Variants in WLS observed in about 807,000 individuals in gnomAD.
WLS encodes Wnt ligand secretion mediator.
WLS carries 23 observed loss-of-function variants against 62.8 expected under a neutral mutation model. The ratio of observed to expected loss-of-function variants is 0.37; its 90% confidence interval spans 0.26 to 0.52. The LOEUF is 0.52. WLS is among the 20% of genes least tolerant of loss of function. The pLI is 0.92. For synonymous variants in WLS, 246 were observed against 244.1 expected, an observed-to-expected ratio of 1.01 and a Z score of -0.07; for missense variants, 615 against 697.3, an observed-to-expected ratio of 0.88 and a Z score of 1.33.
intron 1 of WLS, chr1:68,231,684 G>A (rs1171802228): frequency 2.2e-6 from 1 of 455,590 alleles, no homozygotes; most frequent in South Asian, 1.6e-5. Context: ...TAGCAAAGAC[G>A]ACCAAATGCA....
At chr1:68,184,297 T>A (rs1647776924) in intron 2 of WLS, among the ~76,000 whole-genome samples, 1 of 152,220 alleles carries the variant, frequency 6.6e-6, no homozygotes, top group Non-Finnish European at 1.5e-5. Flanking sequence ...ACTAAGTGTA[T>A]GACTTGCAGT....
At chr1:68,108,874 T>C (rs1646183144) in intron 11 of WLS, among the ~76,000 whole-genome samples, 1 of 152,060 alleles carries the variant, frequency 6.6e-6, no homozygotes, top group East Asian at 1.9e-4. Flanking sequence ...AAAAAATATA[T>C]ATATGAGGGA....
At chr1:68,137,968 A>G (rs1052938372) in intron 10 of WLS, 35 bp from the exon 11 acceptor site, 1 of 1,611,614 alleles carries the variant, frequency 6.2e-7, no homozygotes, top group Non-Finnish European at 8.5e-7. Context: ...CAATTGAAAC[A>G]GAGAAGAAAC....
intron 3 of WLS, among the ~76,000 whole-genome samples, chr1:68,156,435 C>A (rs1012002994): frequency 2.0e-5 from 3 of 152,148 alleles, no homozygotes; most frequent in African/African-American, 7.2e-5. Context: ...TAGGAAGGGG[C>A]TCTGCCCCTT....
At chr1:68,226,374 AG>A (rs1344077524) in intron 1 of WLS, among the ~76,000 whole-genome samples, 2 of 152,178 alleles carry the variant, frequency 1.3e-5, no homozygotes, top group Admixed American at 1.3e-4. Context: ...TACATGTAAA[AG>A]GGGTACAAAA....
At chr1:68,225,731 AG>A (rs1650115456) in intron 1 of WLS, among the ~76,000 whole-genome samples, 1 of 152,158 alleles carries the variant, frequency 6.6e-6, no homozygotes, top group Admixed American at 6.6e-5. Flanking sequence ...TTTCAGTAAG[AG>A]GCTCTTTTCT....
At chr1:68,100,292 G>A (rs891944350) in intron 11 of WLS, among the ~76,000 whole-genome samples, 1 of 152,152 alleles carries the variant, frequency 6.6e-6, no homozygotes, top group Non-Finnish European at 1.5e-5. Flanking sequence ...ATCTCGGCCT[G>A]GAGCTGGCCT....
At chr1:68,114,745 G>A (rs1294961403) in intron 11 of WLS, among the ~76,000 whole-genome samples, 1 of 152,190 alleles carries the variant, frequency 6.6e-6, no homozygotes, top group African/African-American at 2.4e-5. Context: ...TCCCAGAAGT[G>A]GGCAAGATTC....
At chr1:68,148,742 C>T in intron 6 of WLS, 82 bp from the exon 7 acceptor site, 2 of 1,248,150 alleles carry the variant, frequency 1.6e-6, no homozygotes, top group South Asian at 2.6e-5. Flanking sequence ...ATTCGAAGGA[C>T]ACTTGCCGAC....
chr1:68,104,245 A>G (rs1646115666), intron 11 of WLS, among the ~76,000 whole-genome samples: 1 of 152,154 alleles, frequency 6.6e-6, no homozygotes, highest in South Asian at 2.1e-4. Flanking sequence ...GAGAAAAGTC[A>G]CACGAAACTC....
At chr1:68,232,544 A>G (rs1291504612), upstream of WLS, 23 of 648,880 alleles carry the variant, frequency 3.5e-5, no homozygotes, top group Non-Finnish European at 4.5e-5. Context: ...CCGCCTGTGG[A>G]CGCTTAAAGG....
At chr1:68,200,460 T>C (rs1648943503) in intron 1 of WLS, among the ~76,000 whole-genome samples, 1 of 135,404 alleles carries the variant, frequency 7.4e-6, no homozygotes, top group South Asian at 2.3e-4. Flanking sequence ...GGGACTGATT[T>C]CAACGGATAG....
chr1:68,162,187 G>A, intron 2 of WLS: 2 of 1,432,632 alleles, frequency 1.4e-6, no homozygotes, highest in Non-Finnish European at 2.0e-6. Flanking sequence ...AAAGCTAAAG[G>A]GCTCCGACTC....
chr1:68,153,550 G>A lies in WLS; in HGVS notation c.770C>T (p.Thr257Ile). The A allele has an allele frequency of 6.2e-7, 1 of 1,614,148 alleles. No individual in the cohort carries two copies. The highest frequency in any genetic ancestry group is 1.3e-5 in the African/African-American group (1 of 75,024). The part of the protein sequence containing the change: ...IIMVWYWRRI[T>I]MMSRPPVLLE... ...AAGCACTGGGGGTCGGGACATCATGGTGATCCTCCTCCAATACCACACCAT... is the reference window on the plus strand; with the variant it reads ...AAGCACTGGGGGTCGGGACATCATGATGATCCTCCTCCAATACCACACCAT... Residue 257 changes from threonine to isoleucine, a missense_variant, in exon 5 of 12, where the codon ACC becomes ATC. By Grantham distance (89) the Thr-to-Ile change is moderately conservative. Coordinates refer to ENST00000262348, the MANE Select transcript of WLS (RefSeq NM_024911.7).
At chr1:68,194,857 T>C (rs370023610) in intron 1 of WLS, among the ~76,000 whole-genome samples, 40 of 152,324 alleles carry the variant, frequency 2.6e-4, no homozygotes, top group East Asian at 2.3e-3. Context: ...TGTACTAAAA[T>C]ATAAACGATG....
At chr1:68,217,099 C>A (rs1228019763) in intron 1 of WLS, among the ~76,000 whole-genome samples, 1 of 152,188 alleles carries the variant, frequency 6.6e-6, no homozygotes, top group Admixed American at 6.5e-5. Flanking sequence ...ACGTCCCTCC[C>A]TTGAGGATAT....
chr1:68,184,122 A>C (rs1181516487), intron 2 of WLS, among the ~76,000 whole-genome samples: 2 of 152,186 alleles, frequency 1.3e-5, no homozygotes, highest in African/African-American at 4.8e-5. Flanking sequence ...TTTACTACTC[A>C]AGACACAGCT....
downstream of WLS, among the ~76,000 whole-genome samples, chr1:68,121,971 A>G (rs1646368955): frequency 6.6e-6 from 1 of 152,140 alleles, no homozygotes; most frequent in South Asian, 2.1e-4. Context: ...AAAACCTTCT[A>G]TTTCCTCTTT....
rs531780972 is a variant in WLS at position 68,107,669 on chromosome 1, C to T, written c.1511-8916G>A. On this transcript the variant is annotated intron_variant, in intron 11 of 11. Transcript: ENST00000354777. ...GATCTTCCATTTACTGTGAATCTCT[C>T]ATATGCCAGGCACTTTCCTGCGTTT... is the stretch of plus-strand genomic sequence containing the variant. 1.2e-4 allele frequency among the ~76,000 whole-genome samples: 18 copies of T among 152,332 alleles called. 1 individual carries two copies. The South Asian group carries it at 3.3e-3, about 28-fold the overall frequency.
Sources: allele counts gnomAD v4.1 joint callset (sites outside exome capture counted in the v4.1 genomes callset), GRCh38; gene constraint gnomAD v4.1.1; transcripts MANE v1.5; gene names NCBI Gene and HGNC (gene_info 2026-07-23, HGNC 2026-07-21).